The following PIGF variants were observed in gnomAD, a reference collection of about 807,000 sequenced individuals.
The protein encoded by PIGF is GPI ethanolamine phosphate transferase, stabilizing subunit.
PIGF carries 23 observed loss-of-function variants against 26.0 expected under a neutral mutation model. The observed-to-expected ratio is 0.88, with a 90% CI of 0.64 to 1.25. The LOEUF is 1.25. PIGF is among the 50% of genes most tolerant of loss of function. The pLI is 0.00. For synonymous variants in PIGF, 93 were observed against 92.6 expected (o/e 1.00, Z -0.03); for missense variants, 278 against 249.9 (o/e 1.11, Z -0.76).
At chr2:46,604,742 A>G (rs1670165270) in intron 4 of PIGF, among the ~76,000 whole-genome samples, 1 of 151,880 alleles carries the variant, frequency 6.6e-6, no homozygotes, top group Non-Finnish European at 1.5e-5. Context: ...GGGTGCAGAG[A>G]ATGTGATTAA....
At chr2:46,607,395 C>T (rs143672468) in intron 4 of PIGF, among the ~76,000 whole-genome samples, 1 of 152,284 alleles carries the variant, frequency 6.6e-6, no homozygotes, top group Non-Finnish European at 1.5e-5. Flanking sequence ...CTTTTAGATA[C>T]TGCAGATTTG....
chr2:46,614,631 G>A (rs1227869514), intron 2 of PIGF: 3 of 196,306 alleles, frequency 1.5e-5, no homozygotes, highest in African/African-American at 7.0e-5. Flanking sequence ...TATTGAGTAA[G>A]GTTTAAAGAT....
Position 46,600,755 on chromosome 2 carries a change from T to C in PIGF, c.438-8172A>G, listed in dbSNP as rs190663639. ...AGTTTCCTTATTATTCAAACCAATATAAGCTGAAGTTTTATGTTACTTATA... is the reference window on the plus strand; with the variant it reads ...AGTTTCCTTATTATTCAAACCAATACAAGCTGAAGTTTTATGTTACTTATA... On this transcript the variant is annotated intron_variant, in intron 4 of 5. Transcript: ENST00000281382. Among the ~76,000 whole-genome samples, 323 of 152,242 alleles carry C rather than the reference T, an allele frequency of 2.1e-3. 1 individual carries two copies. The highest frequency in any genetic ancestry group is 3.4e-3 in the Middle Eastern group (1 of 294).
chr2:46,595,043 TTGGTCAGGC>T (rs564736226), intron 4 of PIGF, among the ~76,000 whole-genome samples: 58 of 152,244 alleles, frequency 3.8e-4, no homozygotes, highest in African/African-American at 1.3e-3. Flanking sequence ...TTTCACCATT[TTGGTCAGGC>T]TGGTCTCCAC....
chr2:46,609,826 C>G (rs541826701), intron 4 of PIGF, among the ~76,000 whole-genome samples: 3 of 151,948 alleles, frequency 2.0e-5, no homozygotes, highest in Non-Finnish European at 4.4e-5. Flanking sequence ...AAAACAATTA[C>G]AAAAAGTAAC....
chr2:46,591,764 T>C, intron 5 of PIGF: 1 of 1,200,940 alleles, frequency 8.3e-7, no homozygotes, highest in Non-Finnish European at 1.1e-6. Flanking sequence ...TAGGTGTCAG[T>C]TTCCTCATCT....
In PIGF at chr2:46,588,301, G is replaced by A; in HGVS notation, c.546+4174C>T. 8.0e-7 allele frequency: 1 copy of A among 1,252,798 alleles called. No homozygotes were observed. The highest frequency in any genetic ancestry group is 1.1e-6 in the Non-Finnish European group (1 of 935,308). 77.6% of individuals were successfully genotyped at this position (1,252,798 alleles called of 1,614,324 possible). A position where few individuals can be genotyped will look rare whatever the true frequency, so the allele number is the denominator to read the frequency against. On this transcript the variant is annotated intron_variant, in intron 5 of 5. Transcript: ENST00000281382. The surrounding 1 kb of genome is among the most constrained non-coding windows in gnomAD (Gnocchi z 4.1). ...CTACCAACTGAAAGACTGCTGGGCA[G>A]AAAAAATAAAACAACAAACTGAGAC...
chr2:46,596,104 C>T (rs1669875194), intron 4 of PIGF, among the ~76,000 whole-genome samples: 1 of 151,698 alleles, frequency 6.6e-6, no homozygotes, highest in Non-Finnish European at 1.5e-5. Flanking sequence ...ATCCCAGCTA[C>T]TCGGGAGGCT....
chr2:46,581,601 G>A lies in PIGF; in HGVS notation c.547-10C>T. On this transcript the variant is annotated splice_polypyrimidine_tract_variant and intron_variant, in intron 5 of 5. Transcript: ENST00000281382. ...AGGAGATGGGCCATACCTGAGGAGA[G>A]AATGTATGAGATCAAAAAAGAACAA... is the stretch of plus-strand genomic sequence containing the variant. 2 of 1,609,514 alleles carry A rather than the reference G, an allele frequency of 1.2e-6. No individual in the cohort carries two copies. The highest frequency in any genetic ancestry group is 1.7e-6 in the Non-Finnish European group (2 of 1,178,586).
In PIGF at chr2:46,617,003, A is replaced by G; in HGVS notation, c.-55T>C. On this transcript the variant is annotated 5_prime_UTR_variant, in exon 1 of 6. Transcript: ENST00000281382. The stretch of plus-strand genomic sequence containing the variant: ...CCCTCCCGCGGAAGGGAAGCGGGGA[A>G]CTACTGCCTCCTACCATCAGGTACG... 1 of 555,918 alleles carries G rather than the reference A, an allele frequency of 1.8e-6. No individual in the cohort carries two copies. The highest frequency in any genetic ancestry group is 3.3e-5 in the Admixed American group (1 of 29,900). The allele number at this position is 555,918 out of a possible 1,614,324, so 34.4% of individuals were successfully genotyped here. A position where few individuals can be genotyped will look rare whatever the true frequency, so the allele number is the denominator to read the frequency against.
At chr2:46,602,652 C>G (rs1670095746) in intron 4 of PIGF, among the ~76,000 whole-genome samples, 1 of 151,770 alleles carries the variant, frequency 6.6e-6, no homozygotes, top group African/African-American at 2.4e-5. Flanking sequence ...ATATTTAAAG[C>G]TCTAAAATCT....
At position 46,588,774 on chromosome 2, in the gene PIGF, A is replaced by C. The variant is rs1321066056; in HGVS notation, c.546+3701T>G. On this transcript the variant is annotated intron_variant, in intron 5 of 5. Coordinates refer to ENST00000281382, the MANE Select transcript of PIGF (RefSeq NM_002643.4). This position sits in a 1 kb window ranked among gnomAD's most constrained non-coding sequence, Gnocchi z 4.1. ...TCTATGAAATAGTTACAGCATATTA[A>C]ATCTAAATCACAGTTCAAATCTAAA... Among the ~76,000 whole-genome samples the C allele has an allele frequency of 6.6e-6, 1 of 152,128 alleles. No homozygotes were observed. Among genetic ancestry groups the C allele is most frequent in the East Asian group, 1.9e-4 (1 of 5,200 alleles).
At chr2:46,615,487 T>C (rs749543035) in intron 1 of PIGF, 1 of 191,986 alleles carries the variant, frequency 5.2e-6, no homozygotes, top group Non-Finnish European at 1.1e-5. Context: ...AAGCAATTCA[T>C]TTAAACTTTT....
chr2:46,591,583 T>C (rs1669723489), intron 5 of PIGF: 1 of 947,202 alleles, frequency 1.1e-6, no homozygotes, highest in Admixed American at 6.2e-5. Flanking sequence ...AAAGATTTTA[T>C]CACAGCAGTG....
chr2:46,597,865 A>G (rs887258618), intron 4 of PIGF, among the ~76,000 whole-genome samples: 3 of 152,196 alleles, frequency 2.0e-5, no homozygotes, highest in Admixed American at 1.3e-4. Context: ...GTTATCAAAA[A>G]TTTCACAAAA....
intron 4 of PIGF, among the ~76,000 whole-genome samples, chr2:46,597,556 G>A (rs968897350): frequency 1.1e-4 from 17 of 152,122 alleles, no homozygotes; most frequent in African/African-American, 4.1e-4. Flanking sequence ...GGGATTACAG[G>A]CGCCTGCCAC....
chr2:46,598,872 C>G (rs1669970802), intron 4 of PIGF, among the ~76,000 whole-genome samples: 1 of 152,102 alleles, frequency 6.6e-6, no homozygotes, highest in South Asian at 2.1e-4. Flanking sequence ...ACAGCAACAA[C>G]AAAATGAAAC....
chr2:46,597,489 T>C (rs951727214), intron 4 of PIGF, among the ~76,000 whole-genome samples: 4 of 152,026 alleles, frequency 2.6e-5, no homozygotes, highest in African/African-American at 7.2e-5. Context: ...CTTGGCTTAC[T>C]GCAACGTCTG....
chr2:46,610,640 C>A (rs1298182994), intron 4 of PIGF, among the ~76,000 whole-genome samples: 2 of 150,940 alleles, frequency 1.3e-5, no homozygotes, highest in East Asian at 3.9e-4. Flanking sequence ...AGCAATTCTC[C>A]TGCCTCAGCT....
Sources: allele counts gnomAD v4.1 joint callset (sites outside exome capture counted in the v4.1 genomes callset), GRCh38; gene constraint gnomAD v4.1.1; non-coding constraint Gnocchi (gnomAD v3.1); transcripts MANE v1.5; gene names NCBI Gene and HGNC (gene_info 2026-07-23, HGNC 2026-07-21).